Variants in LIFR observed in about 807,000 individuals in gnomAD.
LIFR encodes LIF receptor subunit alpha, also known as leukemia inhibitory factor receptor.
In LIFR, 84 loss-of-function variants were observed where a neutral mutation model predicts 122.2. The observed-to-expected ratio is 0.69, with a 90% CI of 0.58 to 0.82. LIFR has a LOEUF of 0.82. Ranked by LOEUF, LIFR falls within the 40% of genes least tolerant of loss-of-function variation. The pLI, the probability that LIFR is intolerant of heterozygous loss-of-function variation, is 0.00. For synonymous variants in LIFR, 422 were observed against 434.7 expected, an observed-to-expected ratio of 0.97 and a Z score of 0.36; for missense variants, 1,294 against 1,311.6, an observed-to-expected ratio of 0.99 and a Z score of 0.21.
chr5:38,488,250 G>T (rs929610551), intron 16 of LIFR, among the ~76,000 whole-genome samples: 11 of 152,156 alleles, frequency 7.2e-5, no homozygotes, highest in African/African-American at 2.7e-4. Flanking sequence ...CTTGGGGACC[G>T]AAGGGGAGGC....
chr5:38,528,141 G>A (rs1475311367), intron 3 of LIFR, among the ~76,000 whole-genome samples: 1 of 152,008 alleles, frequency 6.6e-6, no homozygotes, highest in Non-Finnish European at 1.5e-5. Flanking sequence ...ATTCTTTCAG[G>A]GTAGAATGTC....
intron 1 of LIFR, among the ~76,000 whole-genome samples, chr5:38,578,504 C>T (rs904158592): frequency 6.6e-6 from 1 of 151,850 alleles, no homozygotes; most frequent in African/African-American, 2.4e-5. Flanking sequence ...CCACGCCCAA[C>T]CAAGACTACT....
At chr5:38,524,041 C>T (rs934413491) in intron 4 of LIFR, among the ~76,000 whole-genome samples, 17 of 152,178 alleles carry the variant, frequency 1.1e-4, no homozygotes, top group Non-Finnish European at 2.4e-4. Context: ...CAGGAACCTA[C>T]AGGTAGGCAA....
rs1025976980 is a variant in LIFR, at chr5:38,511,686, C to T, written c.736+104G>A. ...TAGACGCTCCCAGGTAATCCTCATG[C>T]AGCTGAATGAGGTTATGAGAAGTGA... On this transcript the variant is annotated intron_variant, in intron 6 of 19. Transcript: ENST00000453190. The T allele has an allele frequency of 5.4e-6, 6 of 1,108,248 alleles. No homozygotes were observed. In the East Asian group the frequency reaches 9.7e-5, roughly 18 times the overall value. 68.7% of individuals were successfully genotyped at this position (1,108,248 alleles called of 1,614,324 possible).
intron 4 of LIFR, among the ~76,000 whole-genome samples, chr5:38,526,853 A>G (rs1369130792): frequency 2.0e-5 from 3 of 152,116 alleles, no homozygotes; most frequent in Non-Finnish European, 2.9e-5. Context: ...AGCTTCCCAG[A>G]TAAGACTACA....
intron 5 of LIFR, among the ~76,000 whole-genome samples, chr5:38,520,655 T>C (rs564169407): frequency 6.6e-6 from 1 of 152,302 alleles, no homozygotes; most frequent in Admixed American, 6.5e-5. Flanking sequence ...CATATGAATA[T>C]CCAATTTTCC....
At chr5:38,530,908 A>G (rs1231347942) in intron 1 of LIFR, 4 of 431,398 alleles carry the variant, frequency 9.3e-6, no homozygotes, top group Non-Finnish European at 1.7e-5. Flanking sequence ...GTTAAAGATC[A>G]TAACTATAAT....
rs1743930506 is a variant in LIFR, at chr5:38,480,475, CTCTCT to C, written c.*1115_*1119del. On this transcript the variant is annotated 3_prime_UTR_variant, in exon 20 of 20. Coordinates refer to ENST00000453190, the MANE Select transcript of LIFR (RefSeq NM_001127671.2). ...GGTAACTGTTCCTGTAAGAAGCATT[CTCTCT>C]TTAGTTTTATATTTAAAAATGTGAG... The C allele has an allele frequency of 4.6e-6, 1 of 216,034 alleles. No individual in the cohort carries two copies. The highest frequency in any genetic ancestry group is 2.3e-5 in the African/African-American group (1 of 44,322). The allele number at this position is 216,034 out of a possible 1,614,324, so 13.4% of individuals were successfully genotyped here.
intron 5 of LIFR, among the ~76,000 whole-genome samples, chr5:38,517,408 G>T (rs1470439249): frequency 6.6e-6 from 1 of 152,066 alleles, no homozygotes; most frequent in Non-Finnish European, 1.5e-5. Context: ...AATGCAAAAT[G>T]TTAGGCCATA....
chr5:38,489,054 TC>T (rs1561135455), intron 16 of LIFR, 23 bp downstream of exon 16: 1 of 1,600,954 alleles, frequency 6.2e-7, no homozygotes, highest in Non-Finnish European at 8.6e-7. Flanking sequence ...AGAAACACTT[TC>T]CTTGTGCTAT....
chr5:38,510,734 G>A lies in LIFR; in HGVS notation c.737-16C>T, dbSNP rs1745755947. On this transcript the variant is annotated splice_polypyrimidine_tract_variant and intron_variant, in intron 6 of 19. Coordinates refer to ENST00000453190, the MANE Select transcript of LIFR (RefSeq NM_001127671.2). ...TCAGGTATCCCTAGAAAGAAAAAGA[G>A]GAATTATAAACATTTTATATAGAAG... 1.3e-6 allele frequency: 2 copies of A among 1,597,840 alleles called. No homozygotes were observed. Among genetic ancestry groups the A allele is most frequent in the South Asian group, 1.1e-5 (1 of 90,400 alleles).
chr5:38,502,608 A>C (rs1745241764), intron 11 of LIFR, 29 bp downstream of exon 11: 1 of 1,560,026 alleles, frequency 6.4e-7, no homozygotes, highest in Non-Finnish European at 8.8e-7. Context: ...CACAGTAATT[A>C]TTAGCCATAC....
At chr5:38,546,450 A>C (rs1192225503) in intron 1 of LIFR, among the ~76,000 whole-genome samples, 2 of 152,234 alleles carry the variant, frequency 1.3e-5, no homozygotes, top group South Asian at 2.1e-4. Context: ...ATTATTTGTC[A>C]ATATTGCAAA....
At chr5:38,522,657 GCTGA>G (rs1421096602) in intron 5 of LIFR, among the ~76,000 whole-genome samples, 1 of 152,200 alleles carries the variant, frequency 6.6e-6, no homozygotes, top group Non-Finnish European at 1.5e-5. Context: ...CTAGGTGCTA[GCTGA>G]CTATTGTTAT....
rs776320259 is a variant in LIFR, at chr5:38,490,336, T to C, written c.2066-45A>G. ...GCAAACTTTCATAAATATATTACTA[T>C]GAATATCTATTTTAGAAACATCAAG... is the stretch of plus-strand genomic sequence containing the variant. On this transcript the variant is annotated intron_variant, in intron 14 of 19. Transcript: ENST00000453190. 6 of 823,802 alleles carry C rather than the reference T, an allele frequency of 7.3e-6. No homozygotes were observed. The African/African-American group carries it at 1.0e-4, about 14-fold the overall frequency. The allele number at this position is 823,802 out of a possible 1,614,324, so 51.0% of individuals were successfully genotyped here.
At chr5:38,518,300 C>T (rs1351762823) in intron 5 of LIFR, among the ~76,000 whole-genome samples, 1 of 152,032 alleles carries the variant, frequency 6.6e-6, no homozygotes, top group Non-Finnish European at 1.5e-5. Context: ...GGTTGGAATC[C>T]TGACTCCACC....
chr5:38,530,860 A>G (rs746473992), intron 1 of LIFR, 194 bp from the exon 2 acceptor site: 17 of 547,318 alleles, frequency 3.1e-5, no homozygotes, highest in Middle Eastern at 4.8e-4. Context: ...TGCTTTAGGT[A>G]TCTACTACGA....
intron 1 of LIFR, among the ~76,000 whole-genome samples, chr5:38,586,198 T>C (rs1460511968): frequency 6.6e-6 from 1 of 152,218 alleles, no homozygotes; most frequent in African/African-American, 2.4e-5. Flanking sequence ...GCCCCCATTT[T>C]AAAACATCGG....
intron 1 of LIFR, among the ~76,000 whole-genome samples, chr5:38,547,161 A>G (rs1391595281): frequency 6.6e-6 from 1 of 152,204 alleles, no homozygotes; most frequent in African/African-American, 2.4e-5. Flanking sequence ...GATAGAAGTA[A>G]TATGTATCTA....
Sources: gnomAD v4.1 joint callset for allele counts (sites outside exome capture counted in the v4.1 genomes callset) on GRCh38, gnomAD v4.1.1 for gene constraint, MANE v1.5 for transcripts, NCBI Gene and HGNC (gene_info 2026-07-23, HGNC 2026-07-21) for gene names.